KCNAB1: variants seen among roughly 807,000 people sequenced by gnomAD.
The protein encoded by KCNAB1 is voltage-gated potassium channel subunit beta-1.
KCNAB1 carries 35 observed loss-of-function variants against 64.6 expected under a neutral mutation model. That is an observed-to-expected ratio of 0.54 (90% CI 0.41 to 0.72). The LOEUF is 0.72. KCNAB1 is among the 30% of genes least tolerant of loss of function. The pLI is 0.00. For synonymous variants in KCNAB1, 177 were observed against 183.8 expected (o/e 0.96, Z 0.30); for missense variants, 401 against 512.9 (o/e 0.78, Z 2.11).
chr3:156,397,858 A>G (rs1490001775), intron 1 of KCNAB1, among the ~76,000 whole-genome samples: 1 of 152,222 alleles, frequency 6.6e-6, no homozygotes, highest in Non-Finnish European at 1.5e-5. Context: ...TTGATTGTTT[A>G]CATAAATATA....
At chr3:156,337,426 A>G (rs1723787988) in intron 1 of KCNAB1, among the ~76,000 whole-genome samples, 2 of 151,336 alleles carry the variant, frequency 1.3e-5, no homozygotes, top group Admixed American at 1.3e-4. Context: ...CTTCCTCCTC[A>G]TTCCTTATTC....
intron 3 of KCNAB1, chr3:156,455,894 A>C (rs1712382248): frequency 6.6e-6 from 1 of 152,186 alleles, no homozygotes; most frequent in South Asian, 2.1e-4. Context: ...TCTCCGGCAA[A>C]CTTCTCCTCA....
At position 156,485,455 on chromosome 3, in the gene KCNAB1, A is replaced by T. The variant is rs138871617; in HGVS notation, c.658+10635A>T. Among the ~76,000 whole-genome samples, 451 of 152,212 alleles carry T rather than the reference A, an allele frequency of 3.0e-3. 1 individual carries two copies. The highest frequency in any genetic ancestry group is 0.01 in the African/African-American group (417 of 41,540). ...TAAGGCATTCTTCTATATGACCATA[A>T]CACAATCATCATACTCAAGAATATT... On this transcript the variant is annotated intron_variant, in intron 8 of 13. Coordinates refer to ENST00000490337, the MANE Select transcript of KCNAB1 (RefSeq NM_172160.3).
chr3:156,403,477 T>A lies in KCNAB1; in HGVS notation c.276-18139T>A, dbSNP rs535043788. On this transcript the variant is annotated intron_variant, in intron 1 of 13. Transcript: ENST00000490337. ...GACAATTACTTCTGACTTATTTTTATCTTCTTTCCTGCAGAAGAGAGTTCT... is the reference window on the plus strand; with the variant it reads ...GACAATTACTTCTGACTTATTTTTAACTTCTTTCCTGCAGAAGAGAGTTCT... Among the ~76,000 whole-genome samples, 6 of 152,364 alleles carry A rather than the reference T, an allele frequency of 3.9e-5. No homozygotes were observed. The East Asian group carries it at 1.2e-3, about 29-fold the overall frequency.
chr3:156,453,014 G>A lies in KCNAB1; in HGVS notation c.357+78G>A. 3.3e-6 allele frequency: 3 copies of A among 901,370 alleles called. No individual in the cohort carries two copies. The Middle Eastern group carries it at 6.6e-4, about 199-fold the overall frequency. The allele number at this position is 901,370 out of a possible 1,614,324, so 55.8% of individuals were successfully genotyped here. On this transcript the variant is annotated intron_variant, in intron 3 of 13. Transcript: ENST00000490337. ...TGTATTGCAGGAGTCCTCTTCCTGG[G>A]ACCCTGACACTCTACAGGGATAAGG...
chr3:156,377,717 A>G (rs1711796075), intron 1 of KCNAB1, among the ~76,000 whole-genome samples: 1 of 152,130 alleles, frequency 6.6e-6, no homozygotes, highest in South Asian at 2.1e-4. Context: ...CAGGTGTGAT[A>G]TGAGAGCGAT....
intron 1 of KCNAB1, among the ~76,000 whole-genome samples, chr3:156,341,371 A>G (rs542630143): frequency 2.6e-5 from 4 of 152,342 alleles, no homozygotes; most frequent in Non-Finnish European, 5.9e-5. Flanking sequence ...GTTTTCCAAG[A>G]AAAAGCGATA....
In KCNAB1 at chr3:156,514,348, G is replaced by T. The variant is rs1159830503; in HGVS notation, c.659-16G>T. 8 of 1,608,082 alleles carry T rather than the reference G, an allele frequency of 5.0e-6. No homozygotes were observed. The highest frequency in any genetic ancestry group is 6.0e-6 in the Non-Finnish European group (7 of 1,174,504). The stretch of plus-strand genomic sequence containing the variant: ...TAGACAAATTCATGAAATGCTGTCT[G>T]TTTGACCTTCCACAGAAATTGTCCG... On this transcript the variant is annotated splice_polypyrimidine_tract_variant and intron_variant, in intron 8 of 13. Transcript: ENST00000490337.
At chr3:156,184,742 T>G (rs995817150) in intron 1 of KCNAB1, among the ~76,000 whole-genome samples, 5 of 152,210 alleles carry the variant, frequency 3.3e-5, no homozygotes, top group African/African-American at 1.2e-4. Flanking sequence ...TTCCTCCACC[T>G]GAAGGTAAGT....
At chr3:156,531,923 A>G (rs921116320) in intron 13 of KCNAB1, among the ~76,000 whole-genome samples, 2 of 151,962 alleles carry the variant, frequency 1.3e-5, no homozygotes, top group African/African-American at 4.8e-5. Context: ...TCCCCCTCCC[A>G]TGATCTTTTA....
chr3:156,423,355 C>T (rs1183455578), intron 2 of KCNAB1, among the ~76,000 whole-genome samples: 2 of 152,142 alleles, frequency 1.3e-5, no homozygotes, highest in African/African-American at 4.8e-5. Context: ...GGAGACAGTA[C>T]ATGAAAGAAG....
At position 156,520,130 on chromosome 3, in the gene KCNAB1, G is replaced by A. The variant is rs575513731; in HGVS notation, c.961-3697G>A. Among the ~76,000 whole-genome samples the A allele has an allele frequency of 6.6e-5, 10 of 152,168 alleles. No homozygotes were observed. In the East Asian group the frequency reaches 9.6e-4, roughly 15 times the overall value. On this transcript the variant is annotated intron_variant, in intron 11 of 13. Transcript: ENST00000490337. The stretch of plus-strand genomic sequence containing the variant: ...ACTCATCACAGAGCCTGATGAGTAC[G>A]TAAGAGGTACATAAGTCTTTGTTAA...
intron 8 of KCNAB1, among the ~76,000 whole-genome samples, chr3:156,490,359 T>C (rs1715542054): frequency 6.6e-6 from 1 of 152,080 alleles, no homozygotes; most frequent in African/African-American, 2.4e-5. Flanking sequence ...AAATGTGAAC[T>C]GAAACCCAAG....
At position 156,311,257 on chromosome 3, in the gene KCNAB1, C is replaced by T. The variant is rs534313857; in HGVS notation, c.276-110359C>T. On this transcript the variant is annotated intron_variant, in intron 1 of 13. Coordinates refer to ENST00000490337, the MANE Select transcript of KCNAB1 (RefSeq NM_172160.3). ...TGAGCCAACAGAGGCTCAGTGGAAG[C>T]TATCACCCTGTGGAAAAGAGAGAGA... Among the ~76,000 whole-genome samples the T allele has an allele frequency of 4.6e-5, 7 of 152,268 alleles. No individual in the cohort carries two copies. In the East Asian group the frequency reaches 1.2e-3, roughly 25 times the overall value.
intron 1 of KCNAB1, among the ~76,000 whole-genome samples, chr3:156,306,788 C>T (rs1353184058): frequency 2.6e-5 from 4 of 152,182 alleles, no homozygotes; most frequent in Non-Finnish European, 4.4e-5. Context: ...CCAAGTTCTG[C>T]GAAGCCCCTG....
chr3:156,291,831 C>T (rs895900637), intron 1 of KCNAB1: 2 of 1,597,568 alleles, frequency 1.3e-6, no homozygotes, highest in African/African-American at 2.7e-5. Context: ...AAGCAGAAAT[C>T]CCCGCAACTG....
At chr3:156,250,605 C>T (rs900291907) in intron 1 of KCNAB1, among the ~76,000 whole-genome samples, 3 of 152,126 alleles carry the variant, frequency 2.0e-5, no homozygotes, top group South Asian at 2.1e-4. Flanking sequence ...TTTTTTTACC[C>T]TTGATAGAGT....
Position 156,523,956 on chromosome 3 carries a change from A to G in KCNAB1, c.1081+9A>G. On this transcript the variant is annotated intron_variant, in intron 12 of 13. Coordinates refer to ENST00000490337, the MANE Select transcript of KCNAB1 (RefSeq NM_172160.3). ...ACCTCAGCTAGCTGTTGGTAAGAAAATTACTAAGCTATGGGGTGGTAGAGG... is the reference window on the plus strand; with the variant it reads ...ACCTCAGCTAGCTGTTGGTAAGAAAGTTACTAAGCTATGGGGTGGTAGAGG... 1 of 1,613,322 alleles carries G rather than the reference A, an allele frequency of 6.2e-7. No homozygotes were observed. The highest frequency in any genetic ancestry group is 8.5e-7 in the Non-Finnish European group (1 of 1,179,676).
intron 1 of KCNAB1, among the ~76,000 whole-genome samples, chr3:156,296,793 AG>A (rs1720814684): frequency 6.6e-6 from 1 of 152,146 alleles, no homozygotes; most frequent in Admixed American, 6.5e-5. Context: ...CCATTTTTAA[AG>A]TTAACTACCA....
Sources: gnomAD v4.1 joint callset for allele counts (sites outside exome capture counted in the v4.1 genomes callset) on GRCh38, gnomAD v4.1.1 for gene constraint, MANE v1.5 for transcripts, NCBI Gene and HGNC (gene_info 2026-07-23, HGNC 2026-07-21) for gene names.